SLC12A7: variants seen among roughly 807,000 people sequenced by gnomAD.
SLC12A7 encodes solute carrier family 12 member 7.
A neutral mutation model predicts 120.6 loss-of-function variants in SLC12A7; 100 were observed. The ratio of observed to expected loss-of-function variants is 0.83; its 90% CI spans 0.71 to 0.98. The LOEUF is 0.98. SLC12A7 is among the 50% of genes least tolerant of loss of function. SLC12A7 has a pLI of 0.00. For missense variants in SLC12A7, 1,373 were observed against 1,548.1 expected, an observed-to-expected ratio of 0.89 and a Z score of 1.90; for synonymous variants, 760 against 678.0, an observed-to-expected ratio of 1.12 and a Z score of -1.88.
intron 1 of SLC12A7, among the ~76,000 whole-genome samples, chr5:1,096,437 TATGTCTAA>T (rs1741137077): frequency 6.6e-6 from 1 of 151,986 alleles, no homozygotes; most frequent in African/African-American, 2.4e-5. Context: ...ACTAAGAAAA[TATGTCTAA>T]ATGTCTTTCC....
At chr5:1,147,869 C>T in the SLC12A7 span, among the ~76,000 whole-genome samples, 1 of 152,058 alleles carries the variant, frequency 6.6e-6, no homozygotes, top group African/African-American at 2.4e-5. Context: ...GCAGGTGGGA[C>T]CGTGGGTGTG....
At chr5:1,074,494 C>T (rs909377547) in intron 16 of SLC12A7, 73 bp downstream of exon 16, 6 of 1,374,732 alleles carry the variant, frequency 4.4e-6, no homozygotes, top group Non-Finnish European at 6.1e-6. Flanking sequence ...ACTCAAAGGT[C>T]CCCACTCAAA....
chr5:1,142,631 T>C, the SLC12A7 span, among the ~76,000 whole-genome samples: 1 of 148,852 alleles, frequency 6.7e-6, no homozygotes, highest in East Asian at 2.0e-4. Context: ...TGTCTCTCGC[T>C]GTCTCTGTCT....
chr5:1,150,996 G>A, the SLC12A7 span, among the ~76,000 whole-genome samples: 2 of 152,252 alleles, frequency 1.3e-5, no homozygotes, highest in Non-Finnish European at 2.9e-5. Context: ...CAAAGGCTGA[G>A]GGGGCAGCCC....
the SLC12A7 span, among the ~76,000 whole-genome samples, chr5:1,138,633 C>G: frequency 3.3e-5 from 5 of 152,220 alleles, no homozygotes; most frequent in East Asian, 9.6e-4. Flanking sequence ...ATCTTTACCC[C>G]ACATGCAAAG....
intron 1 of SLC12A7, among the ~76,000 whole-genome samples, chr5:1,109,171 C>T (rs534069594): frequency 1.3e-5 from 2 of 152,162 alleles, no homozygotes; most frequent in East Asian, 3.9e-4. Flanking sequence ...GCACGCTGCA[C>T]CTTCCAGACA....
rs776857126 is a variant in SLC12A7, at chr5:1,063,862, C to T, written c.2721G>A (p.Glu907=). The stretch of plus-strand genomic sequence containing the variant: ...GACTCACCATCTCCACCACCTCCAC[C>T]TCGGCGCTGATGCGCAAGTGGTACA... ...MFLYHLRISA[E]VEVVEMVEND... Residue 907 remains glutamate (E), a synonymous_variant, in exon 20 of 24, where the codon GAG becomes GAA. Coordinates refer to ENST00000264930, the MANE Select transcript of SLC12A7 (RefSeq NM_006598.3). 6.2e-7 allele frequency: 1 copy of T among 1,610,088 alleles called. No individual in the cohort carries two copies. The highest frequency in any genetic ancestry group is 1.1e-5 in the South Asian group (1 of 90,862).
At chr5:1,053,318 C>G (rs41280361) in intron 23 of SLC12A7, 31 bp downstream of exon 23, 1 of 1,606,024 alleles carries the variant, frequency 6.2e-7, no homozygotes, top group East Asian at 2.2e-5. Flanking sequence ...GGTGCCCGCA[C>G]GCTCAGCAGG....
intron 17 of SLC12A7, among the ~76,000 whole-genome samples, chr5:1,069,870 G>T (rs113774884): frequency 6.6e-6 from 1 of 152,072 alleles, no homozygotes; most frequent in African/African-American, 2.4e-5. Context: ...TGGGGCAGCC[G>T]ACTGCAGCAG....
intron 22 of SLC12A7, among the ~76,000 whole-genome samples, chr5:1,054,905 C>T (rs1319562513): frequency 2.0e-5 from 3 of 152,204 alleles, no homozygotes; most frequent in Non-Finnish European, 4.4e-5. Context: ...ACTTTGAATT[C>T]GACTTCTGGA....
intron 21 of SLC12A7, among the ~76,000 whole-genome samples, chr5:1,059,225 T>G (rs73028810): frequency 0.051 from 7,736 of 152,308 alleles, 624 homozygotes; most frequent in African/African-American, 0.17. Flanking sequence ...GTCCTGCATC[T>G]GTGCCCACCC....
At position 1,109,497 on chromosome 5, in the gene SLC12A7, G is replaced by A. The variant is rs2150912282; in HGVS notation, c.124+2371C>T. ...AGCTCCGTCCCAAGAAGTGCTGAGG[G>A]CACAGTGCCCATCCCCGGGACAGGA... On this transcript the variant is annotated intron_variant, in intron 1 of 23. Coordinates refer to ENST00000264930, the MANE Select transcript of SLC12A7 (RefSeq NM_006598.3). 1.3e-5 allele frequency among the ~76,000 whole-genome samples: 2 copies of A among 152,330 alleles called. 1 individual carries two copies. The highest frequency in any genetic ancestry group is 4.1e-4 in the South Asian group (2 of 4,820).
the SLC12A7 span, among the ~76,000 whole-genome samples, chr5:1,130,077 T>C: frequency 6.6e-6 from 1 of 152,204 alleles, no homozygotes; most frequent in African/African-American, 2.4e-5. Flanking sequence ...TACTTCTGGA[T>C]GTGGTTCAGA....
At chr5:1,148,285 CA>C in the SLC12A7 span, among the ~76,000 whole-genome samples, 4 of 143,066 alleles carry the variant, frequency 2.8e-5, no homozygotes, top group Non-Finnish European at 4.5e-5. Flanking sequence ...CCACTCACTG[CA>C]AGCTCCGCCT....
chr5:1,086,955 C>T lies in SLC12A7; in HGVS notation c.623G>A (p.Gly208Asp). The T allele has an allele frequency of 6.2e-7, 1 of 1,612,894 alleles. No individual in the cohort carries two copies. Residue 208 changes from glycine to aspartate, a missense_variant, in exon 6 of 24, where the codon GGC becomes GAC. Transcript: ENST00000264930. ...GGAVGLCFYL[G>D]TTFAGAMYIL... ...ATACATGGCCCCTGCAAACGTCGTGCCCAGGTAGAAGCAGAGGCCGACAGC... is the reference window on the plus strand; with the variant it reads ...ATACATGGCCCCTGCAAACGTCGTGTCCAGGTAGAAGCAGAGGCCGACAGC...
chr5:1,133,728 T>C, the SLC12A7 span, among the ~76,000 whole-genome samples: 1 of 152,082 alleles, frequency 6.6e-6, no homozygotes, highest in Non-Finnish European at 1.5e-5. Context: ...TTTCGGGGTA[T>C]GAACATCTGC....
intron 8 of SLC12A7, among the ~76,000 whole-genome samples, chr5:1,082,756 A>G (rs1327111718): frequency 7.0e-4 from 79 of 112,806 alleles, no homozygotes; most frequent in African/African-American, 1.9e-3. Flanking sequence ...TGGAAAGTCC[A>G]GGCTTCCCGT....
At chr5:1,092,070 C>G (rs1740584633) in intron 3 of SLC12A7, among the ~76,000 whole-genome samples, 1 of 152,252 alleles carries the variant, frequency 6.6e-6, no homozygotes, top group Non-Finnish European at 1.5e-5. Flanking sequence ...AGGCCCCACC[C>G]CAAGGTGGTC....
intron 16 of SLC12A7, among the ~76,000 whole-genome samples, 158 bp downstream of exon 16, chr5:1,074,409 C>T (rs1011333351): frequency 9.8e-5 from 15 of 152,344 alleles, no homozygotes; most frequent in African/African-American, 2.6e-4. Context: ...CCCCCAGCTG[C>T]GCCATCCGCT....
Sources: gnomAD v4.1 joint callset for allele counts (sites outside exome capture counted in the v4.1 genomes callset) on GRCh38, gnomAD v4.1.1 for gene constraint, MANE v1.5 for transcripts, NCBI Gene and HGNC (gene_info 2026-07-23, HGNC 2026-07-21) for gene names.